The following PDCD1LG2 variants were observed in gnomAD, a reference collection of about 807,000 sequenced individuals.
PDCD1LG2 encodes the protein B7 dendritic cell molecule.
PDCD1LG2 carries 32 observed loss-of-function variants against 28.2 expected under a neutral mutation model. That is an observed-to-expected ratio of 1.13 (90% CI 0.86 to 1.52). PDCD1LG2 has a LOEUF of 1.52. PDCD1LG2 is among the 40% of genes most tolerant of loss of function. PDCD1LG2 has a pLI of 0.00. For synonymous variants in PDCD1LG2, 116 were observed against 120.2 expected (o/e 0.97, Z 0.23); for missense variants, 385 against 323.8 (o/e 1.19, Z -1.45).
intron 3 of PDCD1LG2, among the ~76,000 whole-genome samples, chr9:5,545,626 A>G (rs746775648): frequency 2.6e-5 from 4 of 152,218 alleles, no homozygotes; most frequent in African/African-American, 4.8e-5. Context: ...ATAGCTTCAA[A>G]ATATTAAACA....
intron 1 of PDCD1LG2, among the ~76,000 whole-genome samples, chr9:5,514,772 G>GA (rs60002651): frequency 0.037 from 2,317 of 62,390 alleles, 42 homozygotes; most frequent in Non-Finnish European, 0.05. Flanking sequence ...AGTCTCTAAA[G>GA]AAAAAAAAAA....
In PDCD1LG2 at chr9:5,530,991, G is replaced by C. The variant is rs773780727; in HGVS notation, c.56-3754G>C. Among the ~76,000 whole-genome samples the C allele has an allele frequency of 2.1e-4, 32 of 152,200 alleles. 1 individual carries two copies. The highest frequency in any genetic ancestry group is 4.0e-4 in the Non-Finnish European group (27 of 68,038). ...GCAAGGTGGTAAAAGACGCTTGCAC[G>C]TGCAAATGTTACTTTGTGTAACTAA... is the stretch of plus-strand genomic sequence containing the variant. On this transcript the variant is annotated intron_variant, in intron 2 of 6. Coordinates refer to ENST00000397747, the MANE Select transcript of PDCD1LG2 (RefSeq NM_025239.4).
chr9:5,537,460 G>A (rs1178713132), intron 3 of PDCD1LG2, among the ~76,000 whole-genome samples: 3 of 152,136 alleles, frequency 2.0e-5, no homozygotes, highest in Non-Finnish European at 4.4e-5. Flanking sequence ...GATCAAATAT[G>A]TGTTAATAAT....
At chr9:5,560,314 C>T (rs967957024) in intron 5 of PDCD1LG2, among the ~76,000 whole-genome samples, 2 of 152,250 alleles carry the variant, frequency 1.3e-5, no homozygotes, top group Non-Finnish European at 2.9e-5. Flanking sequence ...AGAAAGCTTA[C>T]TTAGCCCACA....
In PDCD1LG2 at chr9:5,534,875, G is replaced by A; in HGVS notation, c.186G>A (p.Val62=). ...CAATAACAGCCAGTTTGCAAAAGGT[G>A]GAAAATGATACATCCCCACACCGTG... The part of the protein sequence containing the change: ...LGAITASLQK[V]ENDTSPHRER... Residue 62 remains valine, a synonymous_variant, in exon 3 of 7, where the codon GTG becomes GTA. Transcript: ENST00000397747. 2.5e-6 allele frequency: 4 copies of A among 1,614,180 alleles called. No individual in the cohort carries two copies.
At chr9:5,528,951 G>A (rs1820431486) in intron 2 of PDCD1LG2, among the ~76,000 whole-genome samples, 1 of 152,066 alleles carries the variant, frequency 6.6e-6, no homozygotes, top group Non-Finnish European at 1.5e-5. Flanking sequence ...GCTGTCTCAA[G>A]CTTCTGACCT....
chr9:5,529,011 G>A (rs573800545), intron 2 of PDCD1LG2, among the ~76,000 whole-genome samples: 1 of 152,354 alleles, frequency 6.6e-6, no homozygotes, highest in Non-Finnish European at 1.5e-5. Flanking sequence ...TTACAGGTGT[G>A]AGCCACTGCC....
At chr9:5,547,487 T>G (rs923486482) in intron 3 of PDCD1LG2, among the ~76,000 whole-genome samples, 3 of 152,252 alleles carry the variant, frequency 2.0e-5, no homozygotes, top group Non-Finnish European at 4.4e-5. Flanking sequence ...TTCTTGTGTC[T>G]TCTAGTCTCT....
chr9:5,550,685 A>G (rs895001794), intron 4 of PDCD1LG2, among the ~76,000 whole-genome samples: 1 of 143,282 alleles, frequency 7.0e-6, no homozygotes, highest in Non-Finnish European at 1.5e-5. Flanking sequence ...CTGTCACCAC[A>G]TCTCTCTCTC....
chr9:5,537,862 T>TA (rs1820611805), intron 3 of PDCD1LG2, among the ~76,000 whole-genome samples: 1 of 152,208 alleles, frequency 6.6e-6, no homozygotes, highest in South Asian at 2.1e-4. Context: ...ACATGTACCC[T>TA]AAAACTTACT....
intron 6 of PDCD1LG2, among the ~76,000 whole-genome samples, chr9:5,566,699 A>G (rs1685357268): frequency 1.3e-5 from 2 of 152,190 alleles, no homozygotes. Context: ...GTTTGTTCCT[A>G]CAGCATTACC....
intron 3 of PDCD1LG2, among the ~76,000 whole-genome samples, chr9:5,541,473 A>G (rs1330839375): frequency 6.6e-6 from 1 of 152,250 alleles, no homozygotes; most frequent in Non-Finnish European, 1.5e-5. Flanking sequence ...TTCATCTTGA[A>G]AGCTCCTAGA....
chr9:5,565,319 C>CCG (rs1816643121), intron 6 of PDCD1LG2, among the ~76,000 whole-genome samples: 1 of 152,122 alleles, frequency 6.6e-6, no homozygotes, highest in Non-Finnish European at 1.5e-5. Flanking sequence ...GTAGCTGGGA[C>CCG]TACAGGTGCA....
intron 4 of PDCD1LG2, among the ~76,000 whole-genome samples, chr9:5,551,827 C>A (rs1034738090): frequency 2.0e-5 from 3 of 152,198 alleles, no homozygotes; most frequent in Admixed American, 6.5e-5. Context: ...TCCACTCATG[C>A]CCTTCATTAA....
At position 5,545,273 on chromosome 9, in the gene PDCD1LG2, G is replaced by T. The variant is rs140349189; in HGVS notation, c.362-4062G>T. ...GGCTAAAGCCTACTCAAACTGCTCA[G>T]ATTCTGAACTCATGTTTTTAACTAC... On this transcript the variant is annotated intron_variant, in intron 3 of 6. Coordinates refer to ENST00000397747, the MANE Select transcript of PDCD1LG2 (RefSeq NM_025239.4). Among the ~76,000 whole-genome samples, 487 of 152,372 alleles carry T rather than the reference G, an allele frequency of 3.2e-3. 7 individuals are homozygous for T. Among genetic ancestry groups the T allele is most frequent in the African/African-American group, 0.011 (452 of 41,594 alleles).
intron 5 of PDCD1LG2, among the ~76,000 whole-genome samples, chr9:5,562,089 A>G (rs1347238053): frequency 6.6e-6 from 1 of 152,228 alleles, no homozygotes; most frequent in African/African-American, 2.4e-5. Flanking sequence ...AAGCAGAATT[A>G]GGAATGGACT....
chr9:5,553,665 C>A (rs151222185), intron 4 of PDCD1LG2, among the ~76,000 whole-genome samples: 1 of 152,328 alleles, frequency 6.6e-6, no homozygotes, highest in African/African-American at 2.4e-5. Context: ...CCACTCCACT[C>A]TCTTCATGGA....
chr9:5,542,927 GC>G (rs1301224670), intron 3 of PDCD1LG2, among the ~76,000 whole-genome samples: 1 of 152,048 alleles, frequency 6.6e-6, no homozygotes, highest in African/African-American at 2.4e-5. Flanking sequence ...TATGGAACCA[GC>G]CCAAATGCCC....
At chr9:5,557,270 T>C (rs1816462624) in intron 4 of PDCD1LG2, among the ~76,000 whole-genome samples, 2 of 150,664 alleles carry the variant, frequency 1.3e-5, no homozygotes, top group Admixed American at 1.3e-4. Context: ...GATGGATTGA[T>C]GGATGGATGG....
Sources: gnomAD v4.1 joint callset for allele counts (sites outside exome capture counted in the v4.1 genomes callset) on GRCh38, gnomAD v4.1.1 for gene constraint, MANE v1.5 for transcripts, NCBI Gene and HGNC (gene_info 2026-07-23, HGNC 2026-07-21) for gene names.